The following FGF13 variants were observed in gnomAD, a reference collection of about 807,000 sequenced individuals.
FGF13 encodes fibroblast growth factor homologous factor 2.
Under a neutral mutation model 19.5 loss-of-function variants are expected in FGF13, and 2 were observed. The ratio of observed to expected loss-of-function variants is 0.10; its 90% CI spans 0.04 to 0.32. The LOEUF is 0.32. Among genes scored for constraint, FGF13 ranks in the 10% least tolerant of loss-of-function variants. The probability of loss-of-function intolerance (pLI) is 1.00; values close to 1 mark genes in which losing one functional copy is unlikely to be tolerated. For missense variants in FGF13, 113 were observed against 192.7 expected, an observed-to-expected ratio of 0.59 and a Z score of 2.45; for synonymous variants, 72 against 76.9, an observed-to-expected ratio of 0.94 and a Z score of 0.33.
chrX:139,173,478 G>A (rs1360684580), intron 1 of FGF13, among the ~76,000 whole-genome samples: 2 of 110,355 alleles, frequency 1.8e-5, no homozygotes, highest in East Asian at 5.6e-4. Context: ...GGGTATATAC[G>A]TGCCATGGTG....
chrX:139,179,740 A>G (rs1336817872), intron 1 of FGF13, among the ~76,000 whole-genome samples: 1 of 112,988 alleles, frequency 8.9e-6, no homozygotes, highest in Non-Finnish European at 1.9e-5. Flanking sequence ...ACATGCATCT[A>G]CCTGGAGTAT....
intron 1 of FGF13, among the ~76,000 whole-genome samples, chrX:138,941,057 A>G (rs1231082469): frequency 1.5e-4 from 17 of 111,450 alleles, no homozygotes; most frequent in East Asian, 5.7e-4. Flanking sequence ...TTGAAGGAAC[A>G]TACCTCCAAA....
At chrX:138,767,840 G>C (rs2090513326) in intron 3 of FGF13, among the ~76,000 whole-genome samples, 1 of 112,226 alleles carries the variant, frequency 8.9e-6, no homozygotes, top group Non-Finnish European at 1.9e-5. Flanking sequence ...AATTCCATGG[G>C]GGAATTTGGA....
chrX:138,997,027 C>T (rs2124354372), intron 1 of FGF13, among the ~76,000 whole-genome samples: 1 of 112,223 alleles, frequency 8.9e-6, no homozygotes, highest in African/African-American at 3.2e-5. Context: ...GCTGGTGATA[C>T]CCAGGCAAAC....
At chrX:138,878,407 T>C (rs1364201793) in intron 1 of FGF13, among the ~76,000 whole-genome samples, 1 of 104,183 alleles carries the variant, frequency 9.6e-6, no homozygotes, top group African/African-American at 3.6e-5. Flanking sequence ...CGGTGTTTGG[T>C]TTTTTGTCCT....
chrX:138,972,181 C>T (rs2091920177), intron 1 of FGF13, among the ~76,000 whole-genome samples: 1 of 107,805 alleles, frequency 9.3e-6, no homozygotes, highest in South Asian at 4.1e-4. Context: ...GTGCAGATAT[C>T]TCTTCAACGT....
intron 1 of FGF13, among the ~76,000 whole-genome samples, chrX:139,116,644 ATCCTGC>A (rs2124468593): frequency 9.0e-6 from 1 of 111,536 alleles, no homozygotes; most frequent in South Asian, 3.8e-4. Context: ...TGAAGGTTGA[ATCCTGC>A]TCCTTCAAGT....
chrX:139,147,185 C>A (rs1184505598), intron 1 of FGF13, among the ~76,000 whole-genome samples: 1 of 105,322 alleles, frequency 9.5e-6, no homozygotes. Context: ...TCCCAAAAAT[C>A]TATGGAAATA....
intron 3 of FGF13, among the ~76,000 whole-genome samples, chrX:138,786,691 A>G (rs2090695307): frequency 9.0e-6 from 1 of 111,463 alleles, no homozygotes; most frequent in Admixed American, 9.6e-5. Context: ...CAATGACCCA[A>G]GGAAAGGCAA....
chrX:138,791,452 C>G (rs1344364763), intron 3 of FGF13, among the ~76,000 whole-genome samples: 2 of 112,383 alleles, frequency 1.8e-5, no homozygotes, highest in Non-Finnish European at 3.8e-5. Context: ...TAGCTAGGCC[C>G]ACCTTTTTAT....
chrX:139,190,919 C>T (rs900660350), intron 1 of FGF13, among the ~76,000 whole-genome samples: 1 of 111,911 alleles, frequency 8.9e-6, no homozygotes, highest in African/African-American at 3.3e-5. Flanking sequence ...TCAAGTAGTC[C>T]TTCATGCCCA....
intron 3 of FGF13, among the ~76,000 whole-genome samples, chrX:138,750,909 T>C (rs992343616): frequency 1.8e-5 from 2 of 110,194 alleles, no homozygotes; most frequent in Non-Finnish European, 3.8e-5. Context: ...AACACTAACA[T>C]TTATGATAGA....
chrX:139,067,920 TC>T (rs1253890287), intron 1 of FGF13, among the ~76,000 whole-genome samples: 4 of 106,457 alleles, frequency 3.8e-5, no homozygotes, highest in Non-Finnish European at 7.7e-5. Context: ...GAAAATTTTC[TC>T]CCATTTTGTA....
chrX:138,686,752 C>T (rs1001559388), intron 3 of FGF13, among the ~76,000 whole-genome samples: 3 of 111,406 alleles, frequency 2.7e-5, no homozygotes, highest in African/African-American at 9.8e-5. Flanking sequence ...GTGTAAATGA[C>T]ACCTATACTT....
chrX:138,939,168 T>A (rs1179293951), intron 1 of FGF13, among the ~76,000 whole-genome samples: 1 of 112,028 alleles, frequency 8.9e-6, no homozygotes, highest in Admixed American at 9.5e-5. Flanking sequence ...TCACTCTTGG[T>A]TGAGATAGTG....
chrX:139,173,152 A>C (rs2084147486), intron 1 of FGF13, among the ~76,000 whole-genome samples: 1 of 111,963 alleles, frequency 8.9e-6, no homozygotes, highest in African/African-American at 3.2e-5. Context: ...CAAACCCAAA[A>C]GGACAGAAAT....
intron 1 of FGF13, among the ~76,000 whole-genome samples, chrX:139,073,197 G>A (rs1054066512): frequency 2.9e-5 from 3 of 102,632 alleles, no homozygotes; most frequent in African/African-American, 1.1e-4. Flanking sequence ...TGTAATTTGA[G>A]TTTTCTATAC....
At chrX:138,967,767 T>C (rs2091900890) in intron 1 of FGF13, among the ~76,000 whole-genome samples, 1 of 111,586 alleles carries the variant, frequency 9.0e-6, no homozygotes, top group South Asian at 3.8e-4. Context: ...AAGGCTATGA[T>C]GGGATTTATT....
At chrX:139,101,539 C>T in intron 1 of FGF13, among the ~76,000 whole-genome samples, 1 of 111,730 alleles carries the variant, frequency 9.0e-6, no homozygotes, top group East Asian at 2.8e-4. Flanking sequence ...TTGCCTTTCA[C>T]AAAAACTAAA....
Sources: allele counts gnomAD v4.1 joint callset (sites outside exome capture counted in the v4.1 genomes callset), GRCh38; gene constraint gnomAD v4.1.1; transcripts MANE v1.5; gene names NCBI Gene and HGNC (gene_info 2026-07-23, HGNC 2026-07-21).